Variants in AFF2 observed in about 807,000 individuals in gnomAD.
The protein encoded by AFF2 is AF4/FMR2 family member 2.
Under a neutral mutation model 76.9 loss-of-function variants are expected in AFF2, and 14 were observed. The ratio of observed to expected loss-of-function variants is 0.18; its 90% confidence interval spans 0.12 to 0.28. The LOEUF (loss-of-function observed/expected upper bound fraction) is 0.28, where lower values mean the gene tolerates loss of function less well. AFF2 is among the 10% of genes least tolerant of loss of function. The pLI is 1.00. For missense variants in AFF2, 868 were observed against 1,001.1 expected, an observed-to-expected ratio of 0.87 and a Z score of 1.79; for synonymous variants, 398 against 366.7, an observed-to-expected ratio of 1.09 and a Z score of -0.98.
chrX:148,903,292 T>A (rs1214576739), intron 8 of AFF2, among the ~76,000 whole-genome samples: 1 of 112,024 alleles, frequency 8.9e-6, no homozygotes, highest in Non-Finnish European at 1.9e-5. Flanking sequence ...AAAAAAATCA[T>A]CACTAAAACC....
At chrX:148,916,440 G>C (rs1220582842) in intron 9 of AFF2, among the ~76,000 whole-genome samples, 2 of 108,890 alleles carry the variant, frequency 1.8e-5, no homozygotes, top group Non-Finnish European at 3.8e-5. Context: ...TCGATCTCCT[G>C]ACCTCGTGAT....
chrX:148,530,869 T>TAAAC, intron 1 of AFF2, among the ~76,000 whole-genome samples: 1 of 111,891 alleles, frequency 8.9e-6, no homozygotes, highest in South Asian at 3.7e-4. Context: ...TGTTTTTGTC[T>TAAAC]GTTTAATCAT....
At position 148,769,707 on chromosome X, in the gene AFF2, T is replaced by C. The variant is rs182894650; in HGVS notation, c.1042-40169T>C. Among the ~76,000 whole-genome samples the C allele has an allele frequency of 9.0e-4, 100 of 110,657 alleles. 1 individual carries two copies. Among genetic ancestry groups the C allele is most frequent in the African/African-American group, 3.2e-3 (98 of 30,409 alleles). Reference sequence around the variant, plus strand: ...GAGAGCCAGAGCCGCTGGAGTAGTATGGAAAATGATGCTTCTCAGACTCAG... The same window carrying C: ...GAGAGCCAGAGCCGCTGGAGTAGTACGGAAAATGATGCTTCTCAGACTCAG... On this transcript the variant is annotated intron_variant, in intron 3 of 20. Coordinates refer to ENST00000370460, the MANE Select transcript of AFF2 (RefSeq NM_002025.4).
At chrX:148,779,260 T>C (rs782384290) in intron 3 of AFF2, among the ~76,000 whole-genome samples, 5 of 111,879 alleles carry the variant, frequency 4.5e-5, no homozygotes, top group Non-Finnish European at 9.4e-5. Flanking sequence ...GTTTTACTTC[T>C]ATTTATGTGG....
At chrX:148,919,723 A>G (rs782683516) in intron 9 of AFF2, among the ~76,000 whole-genome samples, 4 of 111,337 alleles carry the variant, frequency 3.6e-5, no homozygotes, top group African/African-American at 1.3e-4. Context: ...GAGCTACCAC[A>G]TATAGAGAGA....
chrX:148,987,676 T>A, intron 20 of AFF2, 119 bp downstream of exon 20: 1 of 644,263 alleles, frequency 1.6e-6, no homozygotes, highest in Non-Finnish European at 2.4e-6. Flanking sequence ...TTTCCAGAAC[T>A]TAGATAAGGG....
intron 1 of AFF2, among the ~76,000 whole-genome samples, chrX:148,591,050 G>A (rs1248693368): frequency 1.8e-5 from 2 of 111,873 alleles, no homozygotes; most frequent in East Asian, 2.8e-4. Flanking sequence ...TTATATAAAC[G>A]ATGAACTTGT....
chrX:148,704,316 A>ATATATATATTTATATATATATGTGTG (rs1569553722), intron 3 of AFF2, among the ~76,000 whole-genome samples: 2 of 69,301 alleles, frequency 2.9e-5, no homozygotes, highest in African/African-American at 5.6e-5. Context: ...ATATGTGTGT[A>ATATATATATTTATATATATATGTGTG]TATATATATT....
intron 1 of AFF2, among the ~76,000 whole-genome samples, chrX:148,599,695 T>C (rs782646964): frequency 9.0e-6 from 1 of 111,516 alleles, no homozygotes; most frequent in Admixed American, 9.5e-5. Context: ...TTAAGTAGCA[T>C]AGGTACGAAT....
chrX:148,751,795 A>G (rs1417196263), intron 3 of AFF2, among the ~76,000 whole-genome samples: 1 of 111,704 alleles, frequency 9.0e-6, no homozygotes, highest in Non-Finnish European at 1.9e-5. Flanking sequence ...CTCTGACATG[A>G]TTTATTTGTT....
intron 8 of AFF2, among the ~76,000 whole-genome samples, 182 bp from the exon 9 acceptor site, chrX:148,904,039 C>G (rs1300575191): frequency 1.8e-5 from 2 of 111,786 alleles, no homozygotes; most frequent in African/African-American, 6.5e-5. Context: ...GGACAGGTAA[C>G]CATGTTTCCC....
Position 148,992,623 on chromosome X carries a change from A to T in AFF2, c.*1291A>T, listed in dbSNP as rs886880809. The T allele has an allele frequency of 5.3e-5, 6 of 112,199 alleles. No individual in the cohort carries two copies. Among genetic ancestry groups the T allele is most frequent in the African/African-American group, 1.9e-4 (6 of 30,829 alleles). The allele number at this position is 112,199 out of a possible 1,213,427, so 9.2% of individuals were successfully genotyped here. A position where few individuals can be genotyped will look rare whatever the true frequency, so the allele number is the denominator to read the frequency against. On this transcript the variant is annotated 3_prime_UTR_variant, in exon 21 of 21. Transcript: ENST00000370460. ...AATAGTAGCTAACTTTTATTTTTTT[A>T]AAATGAGTCGTGGGGTAGTGCTTCA...
At chrX:148,743,003 A>G (rs1446061896) in intron 3 of AFF2, among the ~76,000 whole-genome samples, 3 of 111,618 alleles carry the variant, frequency 2.7e-5, no homozygotes, top group Non-Finnish European at 5.6e-5. Flanking sequence ...GTGTTTCTTG[A>G]CAGAGGTAAG....
intron 9 of AFF2, among the ~76,000 whole-genome samples, chrX:148,922,529 T>A (rs1557283316): frequency 1.8e-5 from 2 of 112,302 alleles, no homozygotes; most frequent in Non-Finnish European, 3.8e-5. Context: ...TTGGTCTTCA[T>A]GGAATATGGT....
intron 8 of AFF2, among the ~76,000 whole-genome samples, chrX:148,897,067 T>C (rs1218018291): frequency 1.9e-5 from 2 of 103,322 alleles, no homozygotes; most frequent in Non-Finnish European, 4.0e-5. Context: ...TTAAAATTCC[T>C]TCCCTTGAAC....
intron 3 of AFF2, among the ~76,000 whole-genome samples, chrX:148,738,885 A>G (rs1478931162): frequency 8.9e-6 from 1 of 112,032 alleles, no homozygotes; most frequent in Non-Finnish European, 1.9e-5. Flanking sequence ...CCCCATGCTC[A>G]TTCAGGAGCA....
At chrX:148,867,611 T>C (rs1557276949) in intron 7 of AFF2, among the ~76,000 whole-genome samples, 1 of 112,463 alleles carries the variant, frequency 8.9e-6, no homozygotes, top group African/African-American at 3.2e-5. Context: ...ATATTTTCTT[T>C]GATGCGAACA....
chrX:148,518,640 G>A (rs2052563798), intron 1 of AFF2, among the ~76,000 whole-genome samples: 1 of 111,904 alleles, frequency 8.9e-6, no homozygotes, highest in African/African-American at 3.3e-5. Flanking sequence ...AAGACTGGAT[G>A]ACCCTTATTA....
chrX:148,948,754 G>A (rs1328617512), intron 9 of AFF2, among the ~76,000 whole-genome samples: 1 of 109,350 alleles, frequency 9.1e-6, no homozygotes, highest in Non-Finnish European at 1.9e-5. Flanking sequence ...TCCCCACCTG[G>A]GCCCTCCTAC....
Sources: allele counts gnomAD v4.1 joint callset (sites outside exome capture counted in the v4.1 genomes callset), GRCh38; gene constraint gnomAD v4.1.1; transcripts MANE v1.5; gene names NCBI Gene and HGNC (gene_info 2026-07-23, HGNC 2026-07-21).